CALCRL: variants seen among roughly 807,000 people sequenced by gnomAD.
CALCRL encodes the protein calcitonin receptor like receptor, also known as calcitonin gene-related peptide type 1 receptor.
Under a neutral mutation model 60.4 loss-of-function variants are expected in CALCRL, and 27 were observed. The observed-to-expected ratio is 0.45, with a 90% CI of 0.33 to 0.62. The LOEUF is 0.62. Among genes scored for constraint, CALCRL ranks in the 20% least tolerant of loss-of-function variants. CALCRL has a pLI of 0.03. For missense variants in CALCRL, 424 were observed against 540.7 expected, an observed-to-expected ratio of 0.78 and a Z score of 2.14; for synonymous variants, 190 against 182.6, an observed-to-expected ratio of 1.04 and a Z score of -0.33.
intron 7 of CALCRL, among the ~76,000 whole-genome samples, chr2:187,379,732 T>G (rs575508273): frequency 9.8e-5 from 15 of 152,298 alleles, no homozygotes; most frequent in African/African-American, 3.6e-4. Flanking sequence ...ATTTCCCTTG[T>G]GTTAAATCAA....
At chr2:187,398,216 A>G (rs533630040) in intron 1 of CALCRL, among the ~76,000 whole-genome samples, 1 of 151,656 alleles carries the variant, frequency 6.6e-6, no homozygotes, top group South Asian at 2.1e-4. Context: ...CACTGAAACA[A>G]AACACATCTT....
chr2:187,363,878 T>C (rs1195015010), intron 8 of CALCRL, among the ~76,000 whole-genome samples: 1 of 152,204 alleles, frequency 6.6e-6, no homozygotes, highest in African/African-American at 2.4e-5. Flanking sequence ...TTGAACACTT[T>C]GTATTTGCTG....
chr2:187,355,249 G>C (rs1259350074), intron 12 of CALCRL, among the ~76,000 whole-genome samples: 1 of 152,022 alleles, frequency 6.6e-6, no homozygotes, highest in Non-Finnish European at 1.5e-5. Context: ...TACACAGGCA[G>C]CTGTGGTAGA....
intron 1 of CALCRL, among the ~76,000 whole-genome samples, chr2:187,424,647 C>T (rs1024777332): frequency 6.6e-6 from 1 of 151,840 alleles, no homozygotes; most frequent in Non-Finnish European, 1.5e-5. Context: ...AATTGGATAA[C>T]CTTGGAAAAG....
rs75954210 is a variant in CALCRL, at chr2:187,379,913, T to C, written c.408+554A>G. On this transcript the variant is annotated intron_variant, in intron 7 of 14. Coordinates refer to ENST00000392370, the MANE Select transcript of CALCRL (RefSeq NM_005795.6). ...GTTGTAATCACTGTGATAAACTGCCTCTATTACAAACACATGCAAATACAT... is the reference window on the plus strand; with the variant it reads ...GTTGTAATCACTGTGATAAACTGCCCCTATTACAAACACATGCAAATACAT... Among the ~76,000 whole-genome samples, 1,225 of 152,296 alleles carry C rather than the reference T, an allele frequency of 8.0e-3. 16 individuals carry two copies. Among genetic ancestry groups the C allele is most frequent in the African/African-American group, 0.028 (1,145 of 41,560 alleles).
In CALCRL at chr2:187,397,475, TAAAG is replaced by T. The variant is rs560432814; in HGVS notation, c.-292-9723_-292-9720del. ...ACATTGTAATCAAATATGGACTTCT[TAAAG>T]AATATAATGCTAAGCCAATTAAAAA... On this transcript the variant is annotated intron_variant, in intron 1 of 14. Coordinates refer to ENST00000392370, the MANE Select transcript of CALCRL (RefSeq NM_005795.6). Among the ~76,000 whole-genome samples, 49 of 151,780 alleles carry T rather than the reference TAAAG, an allele frequency of 3.2e-4. No individual in the cohort carries two copies. The South Asian group carries it at 7.9e-3, about 24-fold the overall frequency.
chr2:187,401,936 C>A, intron 1 of CALCRL, among the ~76,000 whole-genome samples: 1 of 143,398 alleles, frequency 7.0e-6, no homozygotes, highest in African/African-American at 2.6e-5. Context: ...AAAAAGAAAT[C>A]AAGGAAAGAA....
intron 1 of CALCRL, chr2:187,442,176 A>G (rs1254867705): frequency 6.7e-6 from 1 of 148,762 alleles, no homozygotes; most frequent in Non-Finnish European, 1.5e-5. Flanking sequence ...ACGCACACAT[A>G]TATGTGTGTA....
chr2:187,424,289 T>C (rs1690024787), intron 1 of CALCRL, among the ~76,000 whole-genome samples: 1 of 152,034 alleles, frequency 6.6e-6, no homozygotes, highest in African/African-American at 2.4e-5. Flanking sequence ...TATTAAAAGC[T>C]GCAAATATTT....
At chr2:187,366,626 A>T (rs189456255) in intron 8 of CALCRL, among the ~76,000 whole-genome samples, 23 of 152,236 alleles carry the variant, frequency 1.5e-4, no homozygotes, top group Non-Finnish European at 3.1e-4. Flanking sequence ...AAATACATTT[A>T]TATTTTAACT....
rs1687484514 is a variant in CALCRL, at chr2:187,370,798, A to T, written c.501-7296T>A. Among the ~76,000 whole-genome samples, 3 of 152,166 alleles carry T rather than the reference A, an allele frequency of 2.0e-5. No individual in the cohort carries two copies. In the South Asian group the frequency reaches 6.2e-4, roughly 32 times the overall value. On this transcript the variant is annotated intron_variant, in intron 8 of 14. Coordinates refer to ENST00000392370, the MANE Select transcript of CALCRL (RefSeq NM_005795.6). ...TATGTAGAAATGCAATTATTTTATT[A>T]TATAACTAAAATGGACATATTGGAA...
intron 1 of CALCRL, among the ~76,000 whole-genome samples, chr2:187,392,926 A>G (rs1325706988): frequency 2.0e-5 from 3 of 152,128 alleles, no homozygotes; most frequent in East Asian, 1.9e-4. Context: ...ACTTCAACCT[A>G]GCTTGGAATG....
chr2:187,378,789 C>A, intron 8 of CALCRL, 151 bp downstream of exon 8: 1 of 517,090 alleles, frequency 1.9e-6, no homozygotes, highest in Non-Finnish European at 3.4e-6. Context: ...ACATATTTTA[C>A]AAAGCTAAGA....
chr2:187,393,830 C>T (rs188335514), intron 1 of CALCRL, among the ~76,000 whole-genome samples: 3 of 152,108 alleles, frequency 2.0e-5, no homozygotes, highest in African/African-American at 4.8e-5. Context: ...GGACCAGGAA[C>T]AAGCATTTTT....
rs888771908 is a variant in CALCRL at position 187,352,131 on chromosome 2, T to C, written c.1111A>G (p.Ile371Val). ...AEEVYDYIMH[I>V]LMHFQGLLVS... ...TGCCATACCTGGAAGTGCATAAGGATGTGCATGATGTAGTCATATACCTCC... is the reference window on the plus strand; with the variant it reads ...TGCCATACCTGGAAGTGCATAAGGACGTGCATGATGTAGTCATATACCTCC... Residue 371 changes from isoleucine (I) to valine (V), a missense_variant, in exon 13 of 15, where the codon ATC becomes GTC. By Grantham distance (29) the Ile-to-Val change is conservative. Around this residue, in one of 7 missense-constraint regions of CALCRL, gnomAD observed 222 missense variants for 265.6 expected, o/e 0.84. Transcript: ENST00000392370. The C allele has an allele frequency of 6.2e-6, 10 of 1,611,900 alleles. No homozygotes were observed. Among genetic ancestry groups the C allele is most frequent in the Non-Finnish European group, 8.5e-6 (10 of 1,178,554 alleles).
intron 1 of CALCRL, among the ~76,000 whole-genome samples, chr2:187,405,124 C>A (rs1384363292): frequency 6.6e-6 from 1 of 151,926 alleles, no homozygotes; most frequent in East Asian, 1.9e-4. Context: ...TGTAATAACC[C>A]ACACAATTCC....
intron 1 of CALCRL, among the ~76,000 whole-genome samples, chr2:187,404,954 C>A (rs1049221180): frequency 6.6e-6 from 1 of 151,876 alleles, no homozygotes; most frequent in Admixed American, 6.6e-5. Flanking sequence ...AGGTTTCACA[C>A]GGAGCGACTC....
At chr2:187,426,096 G>A (rs1170324539) in intron 1 of CALCRL, among the ~76,000 whole-genome samples, 1 of 151,272 alleles carries the variant, frequency 6.6e-6, no homozygotes, top group African/African-American at 2.4e-5. Context: ...TACCCTGAAA[G>A]AGAGCCAGGA....
chr2:187,439,878 T>A (rs1690812769), intron 1 of CALCRL, among the ~76,000 whole-genome samples: 2 of 152,140 alleles, frequency 1.3e-5, no homozygotes, highest in African/African-American at 4.8e-5. Context: ...AAGGACTTGA[T>A]AAATGGAAGA....
Sources: gnomAD v4.1 joint callset for allele counts (sites outside exome capture counted in the v4.1 genomes callset) on GRCh38, gnomAD v4.1.1 for gene constraint, gnomAD v4.1.1 regional missense constraint, MANE v1.5 for transcripts, NCBI Gene and HGNC (gene_info 2026-07-23, HGNC 2026-07-21) for gene names.